PNKD: variants seen among roughly 807,000 people sequenced by gnomAD.
PNKD encodes PNKD metallo-beta-lactamase domain containing.
A neutral mutation model predicts 45.3 loss-of-function variants in PNKD; 36 were observed. That is an observed-to-expected ratio of 0.80 (90% CI 0.61 to 1.05). PNKD has a LOEUF of 1.05. Among genes scored for constraint, PNKD ranks in the 50% least tolerant of loss-of-function variants. The pLI is 0.00. For synonymous variants in PNKD, 197 were observed against 210.1 expected (o/e 0.94, Z 0.54); for missense variants, 511 against 506.6 (o/e 1.01, Z -0.08).
intron 2 of PNKD, among the ~76,000 whole-genome samples, 183 bp from the exon 3 acceptor site, chr2:218,339,600 A>C (rs976779119): frequency 6.6e-6 from 1 of 152,164 alleles, no homozygotes; most frequent in Non-Finnish European, 1.5e-5. Context: ...TGTCCGTCTC[A>C]TTCTCCATCT....
chr2:218,331,149 T>C (rs949407516), intron 2 of PNKD, among the ~76,000 whole-genome samples: 1 of 152,194 alleles, frequency 6.6e-6, no homozygotes, highest in Non-Finnish European at 1.5e-5. Context: ...ACATGGTGGC[T>C]GATGCCTGTA....
chr2:218,281,994 G>A (rs1343046738), intron 2 of PNKD: 2 of 1,607,264 alleles, frequency 1.2e-6, no homozygotes, highest in African/African-American at 1.3e-5. Flanking sequence ...TAGCCAGCAG[G>A]GTGACCGTAG....
intron 2 of PNKD, chr2:218,275,376 G>T: frequency 2.1e-6 from 3 of 1,458,794 alleles, no homozygotes; most frequent in Non-Finnish European, 2.7e-6. Flanking sequence ...TTACTCAAGG[G>T]GAAGGAAAGG....
intron 2 of PNKD, among the ~76,000 whole-genome samples, chr2:218,302,837 G>C (rs1258708278): frequency 6.6e-6 from 1 of 152,176 alleles, no homozygotes; most frequent in Non-Finnish European, 1.5e-5. Flanking sequence ...GTATGTGTGT[G>C]TTGAAGGGAG....
chr2:218,323,327 C>A, intron 2 of PNKD: 1 of 1,571,920 alleles, frequency 6.4e-7, no homozygotes, highest in Non-Finnish European at 8.6e-7. Flanking sequence ...GGCTCCTCCT[C>A]GTCCTTGTCC....
chr2:218,308,659 T>C (rs1474602593), intron 2 of PNKD, among the ~76,000 whole-genome samples: 6 of 151,752 alleles, frequency 4.0e-5, no homozygotes, highest in Non-Finnish European at 7.4e-5. Flanking sequence ...TAATCTCGGC[T>C]CACCGCAACC....
intron 2 of PNKD, among the ~76,000 whole-genome samples, chr2:218,288,360 C>T (rs1377108883): frequency 2.6e-5 from 4 of 152,116 alleles, no homozygotes; most frequent in East Asian, 1.9e-4. Context: ...ACCCGGGAGG[C>T]GGAGCTTGCA....
intron 2 of PNKD, among the ~76,000 whole-genome samples, chr2:218,324,992 A>ATTTTTTTTTT (rs1559525909): frequency 9.0e-6 from 1 of 111,348 alleles, no homozygotes; most frequent in African/African-American, 3.8e-5. Context: ...TATCTAAATA[A>ATTTTTTTTTT]TTTTCTTTTT....
At chr2:218,271,266 A>T (rs1690818900) in intron 1 of PNKD, 115 bp from the exon 2 acceptor site, 1 of 885,564 alleles carries the variant, frequency 1.1e-6, no homozygotes, top group Admixed American at 1.7e-5. Context: ...TTCAGACTGC[A>T]GTCACTCCCC....
chr2:218,314,420 C>T (rs972181915), intron 2 of PNKD, among the ~76,000 whole-genome samples: 5 of 151,578 alleles, frequency 3.3e-5, no homozygotes, highest in African/African-American at 1.2e-4. Context: ...ATGAGGTCTC[C>T]CTCTGTTGCC....
intron 2 of PNKD, among the ~76,000 whole-genome samples, chr2:218,328,315 C>T (rs150928763): frequency 1.3e-5 from 2 of 152,164 alleles, no homozygotes; most frequent in African/African-American, 4.8e-5. Flanking sequence ...TCCTTCAGGT[C>T]TCTGCTCAAA....
Position 218,345,073 on chromosome 2 carries a change from C to A in PNKD, c.*92C>A, listed in dbSNP as rs921970. ...ATCCTTCTCATCGCTAACACCACCA[C>A]CTCCATCGGCACCCAAGCGGGCATC... On this transcript the variant is annotated 3_prime_UTR_variant, in exon 10 of 10. Transcript: ENST00000273077. 324,764 of 945,032 alleles carry A rather than the reference C, an allele frequency of 0.34. 58,635 individuals are homozygous for A. The highest frequency in any genetic ancestry group is 0.4 in the Middle Eastern group (1,189 of 3,006). The allele number at this position is 945,032 out of a possible 1,614,324, so 58.5% of individuals were successfully genotyped here. A position where few individuals can be genotyped will look rare whatever the true frequency, so the allele number is the denominator to read the frequency against.
chr2:218,328,469 C>T, intron 2 of PNKD, among the ~76,000 whole-genome samples: 1 of 152,168 alleles, frequency 6.6e-6, no homozygotes, highest in Non-Finnish European at 1.5e-5. Context: ...TTGTTTTTCT[C>T]CCCCAACCAG....
chr2:218,307,630 G>A (rs961414995), intron 2 of PNKD, among the ~76,000 whole-genome samples: 1 of 152,156 alleles, frequency 6.6e-6, no homozygotes, highest in African/African-American at 2.4e-5. Context: ...GTGTGGCCTG[G>A]CTCCTAACAG....
intron 6 of PNKD, 37 bp downstream of exon 6, chr2:218,341,663 T>TGGAA: frequency 3.6e-6 from 5 of 1,405,296 alleles, no homozygotes; most frequent in Non-Finnish European, 3.9e-6. Flanking sequence ...GGCCCTTCCA[T>TGGAA]GGGCCCTTTC....
rs73990425 is a variant in PNKD, at chr2:218,341,769, T to C, written c.617+143T>C. 4.9e-3 allele frequency: 3,816 copies of C among 776,792 alleles called. 102 individuals are homozygous for C. The African/African-American group carries it at 0.055, about 11-fold the overall frequency. The allele number at this position is 776,792 out of a possible 1,614,324, so 48.1% of individuals were successfully genotyped here. ...GCCCAATCCCAGCCTATCTGAAGAC[T>C]GGCACTGCCCATCCCCCAACTGATC... On this transcript the variant is annotated intron_variant, in intron 6 of 9. Transcript: ENST00000273077.
chr2:218,313,877 GTTGT>G (rs1693684654), intron 2 of PNKD, among the ~76,000 whole-genome samples: 3 of 146,362 alleles, frequency 2.0e-5, no homozygotes. Flanking sequence ...ATCAAATCTC[GTTGT>G]TTAACTGCAT....
intron 2 of PNKD, among the ~76,000 whole-genome samples, chr2:218,304,738 A>G (rs1313672526): frequency 6.6e-6 from 1 of 152,176 alleles, no homozygotes; most frequent in African/African-American, 2.4e-5. Flanking sequence ...CTGTGATGGT[A>G]TGAGTCATTA....
At chr2:218,300,292 T>TA (rs1477918524) in intron 2 of PNKD, among the ~76,000 whole-genome samples, 3 of 152,126 alleles carry the variant, frequency 2.0e-5, no homozygotes, top group African/African-American at 7.2e-5. Context: ...ACACCCATCC[T>TA]AGGCAATTAC....
Sources: allele counts gnomAD v4.1 joint callset (sites outside exome capture counted in the v4.1 genomes callset), GRCh38; gene constraint gnomAD v4.1.1; transcripts MANE v1.5; gene names NCBI Gene and HGNC (gene_info 2026-07-23, HGNC 2026-07-21).